POLR3A: variants seen among roughly 807,000 people sequenced by gnomAD.
The protein encoded by POLR3A is RNA polymerase III subunit A, also known as DNA-directed RNA polymerase III subunit RPC1.
Under a neutral mutation model 152.8 loss-of-function variants are expected in POLR3A, and 112 were observed. The observed-to-expected ratio is 0.73, with a 90% CI of 0.63 to 0.86. The LOEUF is 0.86. Among genes scored for constraint, POLR3A ranks in the 40% least tolerant of loss-of-function variants. POLR3A has a pLI of 0.00. For synonymous variants in POLR3A, 615 were observed against 652.1 expected (o/e 0.94, Z 0.87); for missense variants, 1,385 against 1,743.1 (o/e 0.79, Z 3.66).
At chr10:77,997,958 T>C (rs1359918484) in intron 19 of POLR3A, among the ~76,000 whole-genome samples, 1 of 152,052 alleles carries the variant, frequency 6.6e-6, no homozygotes, top group African/African-American at 2.4e-5. Context: ...AACAGAGATA[T>C]AGACCAGTGG....
At chr10:77,999,949 T>C in intron 19 of POLR3A, 32 bp downstream of exon 19, 1 of 1,610,870 alleles carries the variant, frequency 6.2e-7, no homozygotes, top group Non-Finnish European at 8.5e-7. Flanking sequence ...TGTCCTGCTC[T>C]GTTGCTAATG....
intron 21 of POLR3A, among the ~76,000 whole-genome samples, chr10:77,988,435 T>C (rs1384279414): frequency 6.6e-6 from 1 of 151,792 alleles, no homozygotes; most frequent in Non-Finnish European, 1.5e-5. Flanking sequence ...GGCAGGAGAA[T>C]CACTTGAACC....
At chr10:77,977,734 G>A (rs948261602) in intron 30 of POLR3A, 108 bp from the exon 31 acceptor site, 6 of 900,236 alleles carry the variant, frequency 6.7e-6, no homozygotes, top group East Asian at 2.5e-5. Context: ...GAGTCCCAGC[G>A]CCACTCCACA....
chr10:78,010,333 G>A (rs1056861549), intron 12 of POLR3A, 138 bp downstream of exon 12: 22 of 769,770 alleles, frequency 2.9e-5, no homozygotes, highest in Non-Finnish European at 4.8e-5. Context: ...GGAGGTTCAT[G>A]ATCAAACTTA....
chr10:78,008,608 C>T (rs1037087734), intron 14 of POLR3A, among the ~76,000 whole-genome samples: 9 of 152,146 alleles, frequency 5.9e-5, no homozygotes, highest in East Asian at 3.9e-4. Context: ...GGTGAGTGAA[C>T]GTGCTCACAT....
At chr10:78,026,310 C>T (rs1847634407) in intron 1 of POLR3A, 81 bp from the exon 2 acceptor site, 24 of 1,415,712 alleles carry the variant, frequency 1.7e-5, no homozygotes. Context: ...CCACCATAAC[C>T]AACCTATCCT....
intron 8 of POLR3A, chr10:78,019,781 C>T (rs894570151): frequency 1.2e-5 from 2 of 168,462 alleles, no homozygotes; most frequent in African/African-American, 2.4e-5. Flanking sequence ...TGACCAGGAA[C>T]ATCTATGATC....
rs774665181 is a variant in POLR3A at position 77,990,999 on chromosome 10, G to A, written c.2901+55C>T. On this transcript the variant is annotated intron_variant, in intron 21 of 30. Transcript: ENST00000372371. ...TCCACTTGCCAGCCCTTGGCAAACA[G>A]AGTTCTTTACGACAGCCAGGCTGGG... 305 of 972,986 alleles carry A rather than the reference G, an allele frequency of 3.1e-4. 1 individual carries two copies. Among genetic ancestry groups the A allele is most frequent in the Non-Finnish European group, 4.8e-4 (291 of 602,194 alleles). 60.3% of individuals were successfully genotyped at this position (972,986 alleles called of 1,614,324 possible). A position where few individuals can be genotyped will look rare whatever the true frequency, so the allele number is the denominator to read the frequency against.
In POLR3A at chr10:77,982,066, A is replaced by G. The variant is rs1847150897; in HGVS notation, c.3759+88T>C. On this transcript the variant is annotated intron_variant, in intron 28 of 30. Coordinates refer to ENST00000372371, the MANE Select transcript of POLR3A (RefSeq NM_007055.4). Reference sequence around the variant, plus strand: ...AAAAAAAAAAAAAAAAAAAAAAAAAAGAAGTATACTGGGAATCAGTGGAAG... The same window carrying G: ...AAAAAAAAAAAAAAAAAAAAAAAAAGGAAGTATACTGGGAATCAGTGGAAG... The G allele has an allele frequency of 2.6e-5, 19 of 721,818 alleles. No individual in the cohort carries two copies. In the South Asian group the frequency reaches 3.0e-4, roughly 11 times the overall value. 44.7% of individuals were successfully genotyped at this position (721,818 alleles called of 1,614,324 possible).
At chr10:78,015,872 C>T (rs892805312) in intron 10 of POLR3A, among the ~76,000 whole-genome samples, 1 of 152,118 alleles carries the variant, frequency 6.6e-6, no homozygotes, top group Non-Finnish European at 1.5e-5. Flanking sequence ...CAAAACATTC[C>T]AGAAAGAGAA....
intron 19 of POLR3A, among the ~76,000 whole-genome samples, chr10:77,999,490 C>T (rs1318401401): frequency 2.6e-5 from 4 of 152,126 alleles, no homozygotes; most frequent in Non-Finnish European, 5.9e-5. Flanking sequence ...CCCTGTGCCC[C>T]AGAGTCTATT....
intron 28 of POLR3A, 60 bp from the exon 29 acceptor site, chr10:77,981,619 T>TC: frequency 6.3e-7 from 1 of 1,575,076 alleles, no homozygotes; most frequent in Admixed American, 1.7e-5. Flanking sequence ...GCAAATTCTC[T>TC]CCACTTTCTC....
In POLR3A at chr10:78,017,564, G is replaced by A; in HGVS notation, c.1431+11C>T. 1 of 1,613,962 alleles carries A rather than the reference G, an allele frequency of 6.2e-7. No homozygotes were observed. The highest frequency in any genetic ancestry group is 8.5e-7 in the Non-Finnish European group (1 of 1,179,836). ...TACGTGATGGAAAATTTAAAAAGCA[G>A]TGCTACTCACCAGATGAGCCATAAT... On this transcript the variant is annotated intron_variant, in intron 10 of 30. Transcript: ENST00000372371.
chr10:78,016,433 G>T (rs947294648), intron 10 of POLR3A, among the ~76,000 whole-genome samples: 1 of 149,702 alleles, frequency 6.7e-6, no homozygotes, highest in Non-Finnish European at 1.5e-5. Context: ...AAAAAAAAAG[G>T]GTGGGCACAG....
rs1169724884 is a variant in POLR3A at position 78,021,856 on chromosome 10, C to G, written c.1048+4G>C. 1 of 1,613,528 alleles carries G rather than the reference C, an allele frequency of 6.2e-7. No individual in the cohort carries two copies. On this transcript the variant is annotated splice_donor_region_variant and intron_variant, in intron 7 of 30. Transcript: ENST00000372371. The stretch of plus-strand genomic sequence containing the variant: ...GGCTTCTGCACATCTTGTGGGAAAC[C>G]TACCCTGTTTTCCCTTCAGGCGTTG...
intron 17 of POLR3A, 117 bp downstream of exon 17, chr10:78,002,080 A>T: frequency 1.5e-6 from 1 of 649,940 alleles, no homozygotes; most frequent in Admixed American, 2.9e-5. Flanking sequence ...CTCTGATTTA[A>T]AAAGATCCCT....
At chr10:77,993,051 C>T in intron 20 of POLR3A, 146 bp downstream of exon 20, 2 of 754,176 alleles carry the variant, frequency 2.7e-6, no homozygotes, top group South Asian at 2.8e-5. Flanking sequence ...TACAGAGTAA[C>T]ACAAAGAAAA....
At chr10:78,028,999 TAG>T (rs1471773089) in intron 1 of POLR3A, among the ~76,000 whole-genome samples, 1 of 152,080 alleles carries the variant, frequency 6.6e-6, no homozygotes, top group Non-Finnish European at 1.5e-5. Flanking sequence ...CTGACAGAAT[TAG>T]AGACAGTCCC....
At position 77,975,445 on chromosome 10, in the gene POLR3A, C is replaced by T. The variant is rs1400013203; in HGVS notation, c.*2033G>A. ...GGACCAGCACCTCCAGGACGTATGA[C>T]TTCCCCCCCTACCCATGGGTGATGT... On this transcript the variant is annotated 3_prime_UTR_variant, in exon 31 of 31. Transcript: ENST00000372371. 6.6e-6 allele frequency: 1 copy of T among 152,256 alleles called. No homozygotes were observed. The highest frequency in any genetic ancestry group is 1.5e-5 in the Non-Finnish European group (1 of 68,096). 9.4% of individuals were successfully genotyped at this position (152,256 alleles called of 1,614,324 possible).
Sources: allele counts gnomAD v4.1 joint callset (sites outside exome capture counted in the v4.1 genomes callset), GRCh38; gene constraint gnomAD v4.1.1; transcripts MANE v1.5; gene names NCBI Gene and HGNC (gene_info 2026-07-23, HGNC 2026-07-21).